The following ARNT2 variants were observed in gnomAD, a reference collection of about 807,000 sequenced individuals.
ARNT2 encodes the protein aryl hydrocarbon receptor nuclear translocator 2.
Under a neutral mutation model 91.7 loss-of-function variants are expected in ARNT2, and 36 were observed. That is an observed-to-expected ratio of 0.39 (90% CI 0.30 to 0.52). The LOEUF is 0.52. Among genes scored for constraint, ARNT2 ranks in the 20% least tolerant of loss-of-function variants. The pLI is 0.72. For missense variants in ARNT2, 775 were observed against 939.3 expected (o/e 0.83, Z 2.29); for synonymous variants, 365 against 347.1 (o/e 1.05, Z -0.57).
At chr15:80,432,724 A>G (rs17315924) in intron 1 of ARNT2, among the ~76,000 whole-genome samples, 12,458 of 152,088 alleles carry the variant, frequency 0.082, 675 homozygotes, top group South Asian at 0.13. Flanking sequence ...TCCCATGAAC[A>G]GAGAGCTTGT....
chr15:80,497,957 GC>G (rs1008715035), intron 5 of ARNT2, among the ~76,000 whole-genome samples: 3 of 152,194 alleles, frequency 2.0e-5, no homozygotes, highest in African/African-American at 7.2e-5. Context: ...CCAAGTGTTT[GC>G]AAGAAGCTGA....
At chr15:80,415,654 A>G (rs1595952842) in intron 1 of ARNT2, among the ~76,000 whole-genome samples, 1 of 152,228 alleles carries the variant, frequency 6.6e-6, no homozygotes, top group African/African-American at 2.4e-5. Flanking sequence ...TCCACGTAAC[A>G]TTGGATGTGG....
At chr15:80,467,540 G>A (rs1896672961) in intron 3 of ARNT2, among the ~76,000 whole-genome samples, 1 of 152,218 alleles carries the variant, frequency 6.6e-6, no homozygotes, top group South Asian at 2.1e-4. Context: ...AGGAAAGCCG[G>A]TTCTCCAGGG....
At chr15:80,523,338 G>T (rs1172366700) in intron 8 of ARNT2, among the ~76,000 whole-genome samples, 1 of 152,162 alleles carries the variant, frequency 6.6e-6, no homozygotes. Flanking sequence ...ATCCTTCAGG[G>T]ATTGCACAGA....
rs540074834 is a variant in ARNT2, at chr15:80,495,257, G to A, written c.623-12899G>A. Among the ~76,000 whole-genome samples the A allele has an allele frequency of 4.6e-5, 7 of 152,320 alleles. No homozygotes were observed. In the South Asian group the frequency reaches 1.0e-3, roughly 23 times the overall value. On this transcript the variant is annotated intron_variant, in intron 5 of 18. Transcript: ENST00000303329. ...GAAAACAGTTTCCCTCTGTGGGTCA[G>A]CAGGAGCCCATTCTGCTCAGTGAAC...
intron 8 of ARNT2, among the ~76,000 whole-genome samples, chr15:80,517,751 A>T (rs1170641151): frequency 6.6e-6 from 1 of 151,944 alleles, no homozygotes; most frequent in Non-Finnish European, 1.5e-5. Context: ...TGAGTCTATC[A>T]AAACTCTCCT....
At chr15:80,409,006 C>G (rs887895186) in intron 1 of ARNT2, among the ~76,000 whole-genome samples, 12 of 152,116 alleles carry the variant, frequency 7.9e-5, no homozygotes, top group Non-Finnish European at 1.6e-4. Context: ...CATGCACAAC[C>G]TCCCCCATGA....
chr15:80,412,075 T>A (rs1895687581), intron 1 of ARNT2, among the ~76,000 whole-genome samples: 1 of 152,220 alleles, frequency 6.6e-6, no homozygotes, highest in Non-Finnish European at 1.5e-5. Context: ...AAAGATGCAT[T>A]CATTGCCCTC....
intron 3 of ARNT2, among the ~76,000 whole-genome samples, chr15:80,465,338 T>C (rs1442425888): frequency 1.3e-5 from 2 of 152,130 alleles, no homozygotes; most frequent in Non-Finnish European, 2.9e-5. Flanking sequence ...AGCTGCTTGG[T>C]GATGCTTCTC....
chr15:80,588,046 G>C (rs1472428552), intron 17 of ARNT2, among the ~76,000 whole-genome samples: 1 of 152,180 alleles, frequency 6.6e-6, no homozygotes, highest in African/African-American at 2.4e-5. Flanking sequence ...TGTGGTTATG[G>C]GGGCAGTGGG....
chr15:80,576,970 G>A lies in ARNT2; in HGVS notation c.1613+5G>A. ...ACACTCCGGGAAGGCCTTCAGGTAT[G>A]TGCCAGCGAGGGGGACAATGGCGTG... On this transcript the variant is annotated splice_donor_5th_base_variant and intron_variant, in intron 15 of 18. Transcript: ENST00000303329. 3 of 1,613,700 alleles carry A rather than the reference G, an allele frequency of 1.9e-6. No homozygotes were observed. The highest frequency in any genetic ancestry group is 2.5e-6 in the Non-Finnish European group (3 of 1,179,780).
intron 3 of ARNT2, among the ~76,000 whole-genome samples, chr15:80,460,056 G>A (rs1896531233): frequency 6.6e-6 from 1 of 152,176 alleles, no homozygotes; most frequent in African/African-American, 2.4e-5. Flanking sequence ...CTCTCCTGTT[G>A]GCTTTTTCTC....
chr15:80,467,803 C>T lies in ARNT2; in HGVS notation c.195-2415C>T, dbSNP rs76401922. 3.4e-3 allele frequency among the ~76,000 whole-genome samples: 510 copies of T among 152,188 alleles called. 4 individuals are homozygous for T. Among genetic ancestry groups the T allele is most frequent in the African/African-American group, 0.012 (491 of 41,526 alleles). On this transcript the variant is annotated intron_variant, in intron 3 of 18. Transcript: ENST00000303329. ...CTTTCTTGCTGCACCTTGGTTGTCT[C>T]GTGACAAGCTCCTGGCTGAGGAGTC...
chr15:80,496,910 C>A (rs1024967726), intron 5 of ARNT2, among the ~76,000 whole-genome samples: 1 of 152,198 alleles, frequency 6.6e-6, no homozygotes, highest in Non-Finnish European at 1.5e-5. Context: ...AGCTTAGCCT[C>A]CACAGTGGGT....
At chr15:80,407,819 A>T (rs1462942949) in intron 1 of ARNT2, among the ~76,000 whole-genome samples, 1 of 152,168 alleles carries the variant, frequency 6.6e-6, no homozygotes, top group Non-Finnish European at 1.5e-5. Context: ...ATAAAAGGGT[A>T]TTTGCAGCTG....
In ARNT2 at chr15:80,404,771, G is replaced by T. The variant is rs1044118091; in HGVS notation, c.31+225G>T. Among the ~76,000 whole-genome samples the T allele has an allele frequency of 1.3e-5, 2 of 152,068 alleles. No homozygotes were observed. The highest frequency in any genetic ancestry group is 6.5e-5 in the Admixed American group (1 of 15,272). On this transcript the variant is annotated intron_variant, in intron 1 of 18. Coordinates refer to ENST00000303329, the MANE Select transcript of ARNT2 (RefSeq NM_014862.4). The surrounding 1 kb of genome is among the most constrained non-coding windows in gnomAD (Gnocchi z 5.5). The stretch of plus-strand genomic sequence containing the variant: ...CCCGGGCAGGCGCCGGTCCGGACCC[G>T]CGGGCGGCCGGACGCTGGCCTCGCA...
chr15:80,465,906 C>T (rs1488834208), intron 3 of ARNT2, among the ~76,000 whole-genome samples: 1 of 152,186 alleles, frequency 6.6e-6, no homozygotes, highest in Non-Finnish European at 1.5e-5. Flanking sequence ...GGAAACCACA[C>T]AGGGATTGTG....
At chr15:80,533,284 A>T (rs1046315038) in intron 8 of ARNT2, among the ~76,000 whole-genome samples, 4 of 152,224 alleles carry the variant, frequency 2.6e-5, no homozygotes, top group Non-Finnish European at 5.9e-5. Context: ...ACTGATCCTT[A>T]CAGGGAAGAG....
intron 7 of ARNT2, 33 bp from the exon 8 acceptor site, chr15:80,514,287 G>A: frequency 6.2e-7 from 1 of 1,609,778 alleles, no homozygotes; most frequent in East Asian, 2.2e-5. Flanking sequence ...ACCCTCATGT[G>A]ATGAAAACAA....
Sources: gnomAD v4.1 joint callset for allele counts (sites outside exome capture counted in the v4.1 genomes callset) on GRCh38, gnomAD v4.1.1 for gene constraint, Gnocchi (gnomAD v3.1) non-coding constraint, MANE v1.5 for transcripts, NCBI Gene and HGNC (gene_info 2026-07-23, HGNC 2026-07-21) for gene names.